The following XYLT1 variants were observed in gnomAD, a reference collection of about 807,000 sequenced individuals.
XYLT1 encodes xylosyltransferase 1.
XYLT1 carries 36 observed loss-of-function variants against 91.3 expected under a neutral mutation model. The observed-to-expected ratio is 0.39, with a 90% CI of 0.30 to 0.52. The LOEUF (loss-of-function observed/expected upper bound fraction) is 0.52, where lower values mean the gene tolerates loss of function less well. Ranked by LOEUF, XYLT1 falls within the 20% of genes least tolerant of loss-of-function variation. The pLI is 0.68. For missense variants in XYLT1, 1,242 were observed against 1,284.5 expected (o/e 0.97, Z 0.51); for synonymous variants, 588 against 532.0 (o/e 1.11, Z -1.45).
Position 17,295,347 on chromosome 16 carries a change from G to T in XYLT1, c.403-35849C>A, listed in dbSNP as rs200476610. Among the ~76,000 whole-genome samples the T allele has an allele frequency of 7.0e-3, 1,008 of 143,332 alleles. 14 individuals carry two copies. Among genetic ancestry groups the T allele is most frequent in the African/African-American group, 0.023 (853 of 37,330 alleles). The allele number at this position is 143,332 out of a possible 152,430, so 94.0% of individuals were successfully genotyped here. A position where few individuals can be genotyped will look rare whatever the true frequency, so the allele number is the denominator to read the frequency against. Reference sequence around the variant, plus strand: ...TAGAGCCAGGTTTTTGTTTTGTTTTGTTTTGTTTTGTTTTGTTTTGTTTTT... The same window carrying T: ...TAGAGCCAGGTTTTTGTTTTGTTTTTTTTTGTTTTGTTTTGTTTTGTTTTT... On this transcript the variant is annotated intron_variant, in intron 2 of 11. Coordinates refer to ENST00000261381, the MANE Select transcript of XYLT1 (RefSeq NM_022166.4).
chr16:17,223,752 C>G (rs554209394), intron 3 of XYLT1, among the ~76,000 whole-genome samples: 26 of 152,336 alleles, frequency 1.7e-4, no homozygotes, highest in African/African-American at 5.3e-4. Context: ...ACATTATACA[C>G]TGGTGGCTGT....
chr16:17,178,319 G>C (rs2031988919), intron 5 of XYLT1, among the ~76,000 whole-genome samples: 1 of 152,156 alleles, frequency 6.6e-6, no homozygotes, highest in Non-Finnish European at 1.5e-5. Flanking sequence ...CAGCTACCCA[G>C]GACTGGGTAG....
chr16:17,393,595 A>G (rs2035847316), intron 1 of XYLT1, among the ~76,000 whole-genome samples: 1 of 152,056 alleles, frequency 6.6e-6, no homozygotes, highest in Non-Finnish European at 1.5e-5. Flanking sequence ...CCAGCAATAC[A>G]TGCTACATCT....
At chr16:17,136,637 C>T (rs1177735195) in intron 8 of XYLT1, among the ~76,000 whole-genome samples, 1 of 152,164 alleles carries the variant, frequency 6.6e-6, no homozygotes, top group African/African-American at 2.4e-5. Flanking sequence ...GAACAAACTC[C>T]TTTCTCTGCC....
chr16:17,351,553 C>T (rs1303420774), intron 2 of XYLT1, among the ~76,000 whole-genome samples: 1 of 152,062 alleles, frequency 6.6e-6, no homozygotes, highest in Non-Finnish European at 1.5e-5. Context: ...GAATGTGTCA[C>T]AACCACAGCC....
chr16:17,317,159 A>G (rs181828321), intron 2 of XYLT1, among the ~76,000 whole-genome samples: 121 of 152,182 alleles, frequency 8.0e-4, no homozygotes, highest in African/African-American at 2.9e-3. Flanking sequence ...TGTTGCAGCA[A>G]TAAACTGTGA....
intron 2 of XYLT1, among the ~76,000 whole-genome samples, chr16:17,357,186 A>AAAC (rs1161105785): frequency 1.4e-5 from 2 of 139,312 alleles, no homozygotes; most frequent in Non-Finnish European, 3.3e-5. Flanking sequence ...AAAAAAAAAA[A>AAAC]AAAAAAAAAA....
intron 10 of XYLT1, among the ~76,000 whole-genome samples, chr16:17,126,132 T>TC (rs1187093944): frequency 6.6e-6 from 1 of 152,210 alleles, no homozygotes; most frequent in Non-Finnish European, 1.5e-5. Flanking sequence ...GCTCTCTGCA[T>TC]CACATGCTGT....
intron 3 of XYLT1, among the ~76,000 whole-genome samples, chr16:17,238,211 C>A (rs1302708147): frequency 3.3e-5 from 5 of 152,176 alleles, no homozygotes; most frequent in African/African-American, 1.2e-4. Context: ...AAGACAATGG[C>A]AAATCTGTAA....
chr16:17,245,560 C>T (rs1220227831), intron 3 of XYLT1, among the ~76,000 whole-genome samples: 3 of 152,202 alleles, frequency 2.0e-5, no homozygotes, highest in Non-Finnish European at 4.4e-5. Flanking sequence ...CCGTGTTTAT[C>T]TCCTGTTCAA....
chr16:17,400,977 C>G (rs2035960540), intron 1 of XYLT1, among the ~76,000 whole-genome samples: 1 of 124,372 alleles, frequency 8.0e-6, no homozygotes. Context: ...GTCTCACTCT[C>G]TCTTTCATAC....
intron 5 of XYLT1, among the ~76,000 whole-genome samples, chr16:17,191,178 T>A (rs1332854887): frequency 6.6e-6 from 1 of 152,214 alleles, no homozygotes; most frequent in African/African-American, 2.4e-5. Flanking sequence ...CATAACTGTA[T>A]TCTCTCCCTC....
intron 1 of XYLT1, among the ~76,000 whole-genome samples, chr16:17,414,621 G>T (rs2036156957): frequency 6.6e-6 from 1 of 152,180 alleles, no homozygotes; most frequent in African/African-American, 2.4e-5. Context: ...AGGAAGCCCT[G>T]ACACACATAA....
intron 5 of XYLT1, among the ~76,000 whole-genome samples, chr16:17,190,456 C>T (rs929693429): frequency 7.4e-6 from 1 of 134,240 alleles, no homozygotes; most frequent in Non-Finnish European, 1.6e-5. Context: ...CCCCCCACCC[C>T]ACAACAGTCC....
intron 1 of XYLT1, among the ~76,000 whole-genome samples, chr16:17,434,212 C>T (rs1481722138): frequency 1.3e-5 from 2 of 152,192 alleles, no homozygotes; most frequent in African/African-American, 4.8e-5. Flanking sequence ...CCTCCATCAT[C>T]ATCAATGTCA....
intron 2 of XYLT1, among the ~76,000 whole-genome samples, chr16:17,276,627 G>A (rs1303883363): frequency 6.6e-6 from 1 of 152,188 alleles, no homozygotes; most frequent in East Asian, 1.9e-4. Context: ...CCCTTTGGAG[G>A]CAGTGTATCC....
intron 6 of XYLT1, among the ~76,000 whole-genome samples, chr16:17,149,040 T>C (rs138884371): frequency 8.4e-4 from 128 of 152,310 alleles, no homozygotes; most frequent in Admixed American, 1.6e-3. Context: ...CTAAATATGA[T>C]CCTATTGGGA....
chr16:17,256,533 C>A (rs988297505), intron 3 of XYLT1, among the ~76,000 whole-genome samples: 6 of 151,982 alleles, frequency 3.9e-5, no homozygotes, highest in Non-Finnish European at 8.8e-5. Context: ...CGCCTGTAAT[C>A]CCAGTTACTC....
intron 1 of XYLT1, among the ~76,000 whole-genome samples, chr16:17,433,149 G>A (rs1054982925): frequency 2.0e-5 from 3 of 152,104 alleles, no homozygotes; most frequent in African/African-American, 7.2e-5. Flanking sequence ...CTTGCTAAGT[G>A]GAGAGCCAAA....
Sources: allele counts gnomAD v4.1 joint callset (sites outside exome capture counted in the v4.1 genomes callset), GRCh38; gene constraint gnomAD v4.1.1; transcripts MANE v1.5; gene names NCBI Gene and HGNC (gene_info 2026-07-23, HGNC 2026-07-21).